The following NFAT5 variants were observed in gnomAD, a reference collection of about 807,000 sequenced individuals.
NFAT5 encodes the protein nuclear factor of activated T-cells 5.
NFAT5 carries 31 observed loss-of-function variants against 166.5 expected under a neutral mutation model. That is an observed-to-expected ratio of 0.19 (90% CI 0.14 to 0.25). The LOEUF (loss-of-function observed/expected upper bound fraction) is 0.25. Ranked by LOEUF, NFAT5 falls within the 10% of genes least tolerant of loss-of-function variation. The pLI, the probability that NFAT5 is intolerant of heterozygous loss-of-function variation, is 1.00. For synonymous variants in NFAT5, 612 were observed against 639.7 expected (o/e 0.96, Z 0.65); for missense variants, 1,449 against 1,821.8 (o/e 0.80, Z 3.72).
intron 2 of NFAT5, among the ~76,000 whole-genome samples, chr16:69,618,705 C>T (rs1455786905): frequency 6.6e-6 from 1 of 152,092 alleles, no homozygotes; most frequent in Non-Finnish European, 1.5e-5. Flanking sequence ...TTTTTTCTAA[C>T]TCTTTCAGAT....
At chr16:69,668,030 G>A (rs1242972219) in intron 7 of NFAT5, among the ~76,000 whole-genome samples, 3 of 152,068 alleles carry the variant, frequency 2.0e-5, no homozygotes, top group Admixed American at 1.3e-4. Flanking sequence ...GCAGTGGCGT[G>A]ATCTCGGGTC....
intron 7 of NFAT5, among the ~76,000 whole-genome samples, chr16:69,669,210 T>C (rs1385078117): frequency 1.3e-5 from 2 of 152,156 alleles, no homozygotes; most frequent in Admixed American, 1.3e-4. Flanking sequence ...GTGTAAATTT[T>C]TGAGCATTGT....
rs1290779635 is a variant in NFAT5, at chr16:69,664,827, A to G, written c.1369+4928A>G. ...CCCATTACCTGAGGTCAGGAGATTG[A>G]GACCAGCCTGAGCAACATGGAGAAA... On this transcript the variant is annotated intron_variant, in intron 7 of 14. Coordinates refer to ENST00000349945, the MANE Select transcript of NFAT5 (RefSeq NM_138713.4). Among the ~76,000 whole-genome samples, 9 of 152,080 alleles carry G rather than the reference A, an allele frequency of 5.9e-5. No individual in the cohort carries two copies. In the East Asian group the frequency reaches 1.4e-3, roughly 23 times the overall value.
At chr16:69,657,758 CAAAAA>C (rs1161075361) in intron 6 of NFAT5, among the ~76,000 whole-genome samples, 1 of 51,262 alleles carries the variant, frequency 2.0e-5, no homozygotes, top group Non-Finnish European at 3.8e-5. Flanking sequence ...GACTCCATCT[CAAAAA>C]AAAAAAAAAA....
At chr16:69,568,621 G>A in intron 2 of NFAT5, 73 bp downstream of exon 2, 2 of 1,265,822 alleles carry the variant, frequency 1.6e-6, no homozygotes, top group Admixed American at 2.1e-5. Context: ...GTTTAAATGG[G>A]AAAGTATGAA....
intron 3 of NFAT5, among the ~76,000 whole-genome samples, chr16:69,630,034 T>A (rs1307433226): frequency 6.6e-6 from 1 of 151,730 alleles, no homozygotes; most frequent in African/African-American, 2.4e-5. Context: ...CCTCCCAGGT[T>A]CAAGCAGTTC....
At chr16:69,630,499 T>C (rs1236410375) in intron 3 of NFAT5, among the ~76,000 whole-genome samples, 4 of 152,184 alleles carry the variant, frequency 2.6e-5, no homozygotes, top group Non-Finnish European at 5.9e-5. Context: ...AATTCTGTTT[T>C]TGTCCCAGTG....
intron 3 of NFAT5, chr16:69,644,947 G>C (rs542759698): frequency 1.6e-4 from 64 of 394,878 alleles, no homozygotes; most frequent in South Asian, 1.2e-3. Context: ...CTGCATACTT[G>C]TATGCTGCAT....
At chr16:69,641,249 G>A (rs541551161) in intron 3 of NFAT5, among the ~76,000 whole-genome samples, 4 of 130,178 alleles carry the variant, frequency 3.1e-5, no homozygotes, top group South Asian at 4.7e-4. Context: ...CTGCATTCCA[G>A]CCTGGGCAAC....
chr16:69,609,141 G>A (rs1273634386), intron 2 of NFAT5, among the ~76,000 whole-genome samples: 1 of 151,796 alleles, frequency 6.6e-6, no homozygotes, highest in Non-Finnish European at 1.5e-5. Context: ...AAAGTATTTA[G>A]GTAATCTGCA....
chr16:69,683,834 C>T (rs1264279377), intron 10 of NFAT5, among the ~76,000 whole-genome samples: 5 of 152,066 alleles, frequency 3.3e-5, no homozygotes, highest in Non-Finnish European at 7.4e-5. Flanking sequence ...TGCGGTGGCT[C>T]ACGCCTATAA....
chr16:69,578,960 C>A (rs961701504), intron 2 of NFAT5, among the ~76,000 whole-genome samples: 1 of 151,808 alleles, frequency 6.6e-6, no homozygotes, highest in Non-Finnish European at 1.5e-5. Context: ...CTGCAAGCTC[C>A]TCCTCCCAGG....
intron 4 of NFAT5, among the ~76,000 whole-genome samples, chr16:69,652,744 GGGTT>G (rs2035723885): frequency 1.6e-5 from 2 of 122,130 alleles, no homozygotes; most frequent in Admixed American, 9.1e-5. Context: ...GGGTTTTTGG[GGGTT>G]TGTTTTTTGT....
At chr16:69,630,780 C>T (rs1287017641) in intron 3 of NFAT5, among the ~76,000 whole-genome samples, 1 of 152,110 alleles carries the variant, frequency 6.6e-6, no homozygotes, top group East Asian at 1.9e-4. Context: ...ATTAGGAGAA[C>T]TAAATGAGTT....
chr16:69,619,433 A>G (rs1190502356), intron 2 of NFAT5, among the ~76,000 whole-genome samples: 2 of 152,202 alleles, frequency 1.3e-5, no homozygotes, highest in East Asian at 3.8e-4. Flanking sequence ...GTCTCCCATC[A>G]AAGGAAGCCG....
chr16:69,693,294 A>G lies in NFAT5; in HGVS notation c.3469A>G (p.Asn1157Asp). ...AGTTCCTCAAGACCAGCAGTCAACC[A>G]ACATATTTCTTTCCCAGAGTCCCAT... ...SSVPQDQQST[N>D]IFLSQSPMNN... The change falls in exon 13 of 15, where the codon AAC (asparagine) becomes GAC (aspartate). Residue 1157 changes from asparagine to aspartate, a missense_variant. Asn to Asp is a conservative substitution (Grantham distance 23, BLOSUM62 1). This residue lies in a region of NFAT5 where 891 missense variants were observed against 993.0 expected (regional missense o/e 0.90). Coordinates refer to ENST00000349945, the MANE Select transcript of NFAT5 (RefSeq NM_138713.4). 6.2e-7 allele frequency: 1 copy of G among 1,614,164 alleles called. No individual in the cohort carries two copies. Among genetic ancestry groups the G allele is most frequent in the Non-Finnish European group, 8.5e-7 (1 of 1,180,016 alleles).
At chr16:69,667,214 C>A (rs1162214045) in intron 7 of NFAT5, among the ~76,000 whole-genome samples, 1 of 150,222 alleles carries the variant, frequency 6.7e-6, no homozygotes, top group Non-Finnish European at 1.5e-5. Context: ...GGAGATATAC[C>A]TAATGCTAGA....
At chr16:69,577,676 C>T (rs895778365) in intron 2 of NFAT5, among the ~76,000 whole-genome samples, 4 of 152,024 alleles carry the variant, frequency 2.6e-5, no homozygotes, top group South Asian at 2.1e-4. Context: ...AGTAGCTTTA[C>T]GGAATGATTG....
rs1001187664 is a variant in NFAT5 at position 69,698,468 on chromosome 16, C to T, written c.*2117C>T. 1 of 151,148 alleles carries T rather than the reference C, an allele frequency of 6.6e-6. No individual in the cohort carries two copies. The highest frequency in any genetic ancestry group is 2.4e-5 in the African/African-American group (1 of 40,866). The allele number at this position is 151,148 out of a possible 1,614,324, so 9.4% of individuals were successfully genotyped here. A position where few individuals can be genotyped will look rare whatever the true frequency, so the allele number is the denominator to read the frequency against. ...TTTGTGAGTTTGTCTGATGTTCTAC[C>T]ACAACGTGGCGTCTGATAACAGTGA... On this transcript the variant is annotated 3_prime_UTR_variant, in exon 15 of 15. Coordinates refer to ENST00000349945, the MANE Select transcript of NFAT5 (RefSeq NM_138713.4).
Sources: gnomAD v4.1 joint callset for allele counts (sites outside exome capture counted in the v4.1 genomes callset) on GRCh38, gnomAD v4.1.1 for gene constraint, gnomAD v4.1.1 regional missense constraint, MANE v1.5 for transcripts, NCBI Gene and HGNC (gene_info 2026-07-23, HGNC 2026-07-21) for gene names.